The following EHF variants were observed in gnomAD, a reference collection of about 807,000 sequenced individuals.
EHF encodes the protein ESE3 transcription factor.
Under a neutral mutation model 45.1 loss-of-function variants are expected in EHF, and 14 were observed. That is an observed-to-expected ratio of 0.31 (90% CI 0.21 to 0.49). The LOEUF is 0.49. Ranked by LOEUF, EHF falls within the 20% of genes least tolerant of loss-of-function variation. The probability of loss-of-function intolerance (pLI) is 0.99; values close to 1 mark genes in which losing one functional copy is unlikely to be tolerated. For missense variants in EHF, 282 were observed against 371.4 expected (o/e 0.76, Z 1.98); for synonymous variants, 136 against 131.8 (o/e 1.03, Z -0.22).
In EHF at chr11:34,646,539, C is replaced by T. The variant is rs770730004; in HGVS notation, c.198C>T (p.Asn66=). 2 of 1,613,888 alleles carry T rather than the reference C, an allele frequency of 1.2e-6. No individual in the cohort carries two copies. Among genetic ancestry groups the T allele is most frequent in the Non-Finnish European group, 1.7e-6 (2 of 1,179,902 alleles). The change falls in exon 3 of 9, where the codon AAC becomes AAT. Residue 66 remains asparagine, a synonymous_variant. Coordinates refer to ENST00000257831, the MANE Select transcript of EHF (RefSeq NM_012153.6). The stretch of plus-strand genomic sequence containing the variant: ...GGCTCCAGCACCTCCTGGACACCAA[C>T]CAGCTGGATGCCAATTGTATCCCTT... The part of the protein sequence containing the change: ...WEWLQHLLDT[N]QLDANCIPFQ...
chr11:34,656,994 G>A, intron 7 of EHF, 24 bp downstream of exon 7: 1 of 1,612,550 alleles, frequency 6.2e-7, no homozygotes, highest in Non-Finnish European at 8.5e-7. Context: ...CTTTCAGATG[G>A]CCTTTGGTCC....
chr11:34,626,351 A>G (rs1852374256), intron 1 of EHF, among the ~76,000 whole-genome samples: 1 of 152,174 alleles, frequency 6.6e-6, no homozygotes, highest in Non-Finnish European at 1.5e-5. Context: ...TGAATAGAGC[A>G]ATGGAGATTG....
intron 4 of EHF, among the ~76,000 whole-genome samples, chr11:34,651,026 T>C (rs779563311): frequency 3.3e-5 from 5 of 152,050 alleles, no homozygotes; most frequent in Non-Finnish European, 7.4e-5. Context: ...CCAACTTGGA[T>C]GACAAATCTC....
At chr11:34,632,691 C>G (rs1225251877) in intron 1 of EHF, 1 of 1,533,810 alleles carries the variant, frequency 6.5e-7, no homozygotes, top group South Asian at 1.2e-5. Context: ...TTGCCCGGCT[C>G]TCTCTGCTCT....
At chr11:34,642,806 T>A (rs1854140573) in intron 2 of EHF, 79 bp downstream of exon 2, 1 of 1,056,980 alleles carries the variant, frequency 9.5e-7, no homozygotes, top group Non-Finnish European at 1.4e-6. Flanking sequence ...AACCTAATGT[T>A]TGAAAAATAT....
At chr11:34,626,920 T>C (rs1284303158) in intron 1 of EHF, among the ~76,000 whole-genome samples, 1 of 152,206 alleles carries the variant, frequency 6.6e-6, no homozygotes, top group African/African-American at 2.4e-5. Context: ...AAAATGGAGT[T>C]AATAACATCT....
At position 34,661,324 on chromosome 11, in the gene EHF, A is replaced by G. The variant is rs1450188605; in HGVS notation, c.*2393A>G. Among the ~76,000 whole-genome samples, 1 of 152,182 alleles carries G rather than the reference A, an allele frequency of 6.6e-6. No homozygotes were observed. The highest frequency in any genetic ancestry group is 1.5e-5 in the Non-Finnish European group (1 of 68,028). On this transcript the variant is annotated 3_prime_UTR_variant, in exon 9 of 9. Transcript: ENST00000257831. ...GTTCCTTCTCTGACTTTGCCTGTTC[A>G]TCATCTAAGGAGGCTAGATCCTTCG... is the stretch of plus-strand genomic sequence containing the variant.
intron 1 of EHF, chr11:34,631,512 G>A: frequency 1.1e-6 from 1 of 938,450 alleles, no homozygotes; most frequent in Non-Finnish European, 1.3e-6. Context: ...AGCATGTGAT[G>A]ATGCTTGGAT....
At chr11:34,657,114 G>C in intron 7 of EHF, 144 bp downstream of exon 7, 5 of 966,278 alleles carry the variant, frequency 5.2e-6, no homozygotes, top group Non-Finnish European at 7.7e-6. Flanking sequence ...GAAAATAGAG[G>C]CATCACTTGC....
In EHF at chr11:34,661,582, C is replaced by A. The variant is rs1856087782; in HGVS notation, c.*2651C>A. ...CTTGAGTATTAAGTTCTCAGCATAT[C>A]TCTCTATTGTCTTGACTTGAGTTTG... On this transcript the variant is annotated 3_prime_UTR_variant, in exon 9 of 9. Transcript: ENST00000257831. 6.6e-6 allele frequency among the ~76,000 whole-genome samples: 1 copy of A among 152,134 alleles called. No individual in the cohort carries two copies. The highest frequency in any genetic ancestry group is 1.5e-5 in the Non-Finnish European group (1 of 68,020).
Position 34,658,951 on chromosome 11 carries a change from A to C in EHF, c.*20A>C, listed in dbSNP as rs997477082. On this transcript the variant is annotated 3_prime_UTR_variant, in exon 9 of 9. Coordinates refer to ENST00000257831, the MANE Select transcript of EHF (RefSeq NM_012153.6). The stretch of plus-strand genomic sequence containing the variant: ...AACTGAAGCTGCCAATACTTTGGAC[A>C]CAAACCAAAACACACACCAAATAAT... The C allele has an allele frequency of 6.4e-7, 1 of 1,553,864 alleles. No homozygotes were observed. The highest frequency in any genetic ancestry group is 1.4e-5 in the African/African-American group (1 of 72,838).
intron 1 of EHF, among the ~76,000 whole-genome samples, chr11:34,640,327 A>G (rs540437926): frequency 1.3e-5 from 2 of 152,172 alleles, no homozygotes; most frequent in Non-Finnish European, 2.9e-5. Context: ...CCACTTTGAA[A>G]CAACCCTGCA....
At chr11:34,629,490 T>C (rs937968823) in intron 1 of EHF, among the ~76,000 whole-genome samples, 4 of 152,232 alleles carry the variant, frequency 2.6e-5, no homozygotes, top group African/African-American at 9.6e-5. Context: ...AAACTTTACT[T>C]CTTCTAAAGG....
intron 1 of EHF, among the ~76,000 whole-genome samples, chr11:34,627,927 C>G (rs1210605281): frequency 1.3e-5 from 2 of 152,118 alleles, no homozygotes; most frequent in Non-Finnish European, 2.9e-5. Context: ...TATTTGATAT[C>G]AAGTTAGATC....
At chr11:34,637,899 CTT>C (rs11415150) in intron 1 of EHF, among the ~76,000 whole-genome samples, 3 of 145,878 alleles carry the variant, frequency 2.1e-5, no homozygotes. Context: ...CATTTCACTC[CTT>C]TTTTTTTTTT....
intron 1 of EHF, among the ~76,000 whole-genome samples, chr11:34,629,120 A>C (rs747543611): frequency 6.6e-6 from 1 of 152,172 alleles, no homozygotes; most frequent in Non-Finnish European, 1.5e-5. Context: ...CCTCTGGTGG[A>C]AAGCTATGGC....
intron 3 of EHF, among the ~76,000 whole-genome samples, chr11:34,647,388 T>C (rs921561557): frequency 3.3e-5 from 5 of 152,218 alleles, no homozygotes; most frequent in Admixed American, 6.5e-5. Flanking sequence ...CCAGATGTTG[T>C]CTTTGAGTGG....
chr11:34,640,504 A>G (rs898844764), intron 1 of EHF, among the ~76,000 whole-genome samples: 1 of 152,162 alleles, frequency 6.6e-6, no homozygotes, highest in Non-Finnish European at 1.5e-5. Context: ...CTAGCAAGGA[A>G]CAAGCCCAGC....
intron 1 of EHF, among the ~76,000 whole-genome samples, chr11:34,633,035 A>G (rs1853044813): frequency 6.6e-6 from 1 of 152,094 alleles, no homozygotes; most frequent in African/African-American, 2.4e-5. Context: ...CTTTTGAAGG[A>G]CTGAGATGGA....
Sources: gnomAD v4.1 joint callset for allele counts (sites outside exome capture counted in the v4.1 genomes callset) on GRCh38, gnomAD v4.1.1 for gene constraint, MANE v1.5 for transcripts, NCBI Gene and HGNC (gene_info 2026-07-23, HGNC 2026-07-21) for gene names.